Variants in PCDHA7 observed in about 807,000 individuals in gnomAD.
PCDHA7 encodes protocadherin alpha 7.
Under a neutral mutation model 57.2 loss-of-function variants are expected in PCDHA7, and 37 were observed. That is an observed-to-expected ratio of 0.65 (90% confidence interval 0.50 to 0.85). PCDHA7 has a LOEUF of 0.85. Ranked by LOEUF, PCDHA7 falls within the 40% of genes least tolerant of loss-of-function variation. The pLI is 0.00. For synonymous variants in PCDHA7, 553 were observed against 558.8 expected (o/e 0.99, Z 0.15); for missense variants, 1,188 against 1,241.8 (o/e 0.96, Z 0.65).
chr5:140,875,407 A>G (rs2055457272), intron 1 of PCDHA7: 2 of 1,497,672 alleles, frequency 1.3e-6, no homozygotes, highest in Non-Finnish European at 1.8e-6. Flanking sequence ...GACTGCTCAT[A>G]AAATACCTCA....
rs1774863213 is a variant in PCDHA7 at position 140,837,000 on chromosome 5, G to A, written c.2355+262G>A. The A allele has an allele frequency of 1.8e-5, 6 of 331,444 alleles. No individual in the cohort carries two copies. The East Asian group carries it at 3.3e-4, about 18-fold the overall frequency. 20.5% of individuals were successfully genotyped at this position (331,444 alleles called of 1,614,324 possible). A position where few individuals can be genotyped will look rare whatever the true frequency, so the allele number is the denominator to read the frequency against. On this transcript the variant is annotated intron_variant, in intron 1 of 3. Coordinates refer to ENST00000525929, the MANE Select transcript of PCDHA7 (RefSeq NM_018910.3). ...TTGGAGGAGGACTTTGCTAACTGGAGCAATGGATTCACCTTTCTTCTATAG... is the reference window on the plus strand; with the variant it reads ...TTGGAGGAGGACTTTGCTAACTGGAACAATGGATTCACCTTTCTTCTATAG...
At chr5:140,951,098 A>T (rs1480000816) in intron 1 of PCDHA7, among the ~76,000 whole-genome samples, 1 of 151,264 alleles carries the variant, frequency 6.6e-6, no homozygotes, top group African/African-American at 2.4e-5. Flanking sequence ...TTCTGATAAG[A>T]TTTCCTTTAT....
intron 3 of PCDHA7, among the ~76,000 whole-genome samples, chr5:140,987,826 G>T (rs1481540038): frequency 6.6e-6 from 1 of 152,014 alleles, no homozygotes; most frequent in Non-Finnish European, 1.5e-5. Flanking sequence ...TTTCCTTAGG[G>T]GATTGCTTTT....
At position 140,969,018 on chromosome 5, in the gene PCDHA7, G is replaced by A. The variant is rs143196630; in HGVS notation, c.2356-9931G>A. On this transcript the variant is annotated intron_variant, in intron 1 of 3. Transcript: ENST00000525929. ...GGAGGCTTCTGTGGAGTAAGGGAAA[G>A]GTCCCCTGCAGAACTGTACAAACAA... 33 of 1,614,058 alleles carry A rather than the reference G, an allele frequency of 2.0e-5. 1 individual carries two copies. In the Middle Eastern group the frequency reaches 4.9e-4, roughly 24 times the overall value.
In PCDHA7 at chr5:140,929,054, C is replaced by T. The variant is rs782514800; in HGVS notation, c.2356-49895C>T. 27 of 1,614,056 alleles carry T rather than the reference C, an allele frequency of 1.7e-5. No individual in the cohort carries two copies. The highest frequency in any genetic ancestry group is 2.1e-5 in the Non-Finnish European group (25 of 1,180,042). ...TGTTGCGCTCAGAGCTGCTGTCGCT[C>T]TACAGAGGATCTGAGGTATGGAAGT... is the stretch of plus-strand genomic sequence containing the variant. On this transcript the variant is annotated intron_variant, in intron 1 of 3. Coordinates refer to ENST00000525929, the MANE Select transcript of PCDHA7 (RefSeq NM_018910.3).
At chr5:140,958,078 G>A (rs1447110228) in intron 1 of PCDHA7, among the ~76,000 whole-genome samples, 1 of 152,064 alleles carries the variant, frequency 6.6e-6, no homozygotes, top group Admixed American at 6.6e-5. Flanking sequence ...GAAGCAAAAA[G>A]TAAAGTTGTA....
chr5:140,870,356 G>C lies in PCDHA7; in HGVS notation c.2355+33618G>C, dbSNP rs17119218. On this transcript the variant is annotated intron_variant, in intron 1 of 3. Coordinates refer to ENST00000525929, the MANE Select transcript of PCDHA7 (RefSeq NM_018910.3). ...AGCGCCCTGGACCGCGAGAACGTGT[G>C]GGCCTATGAACTGGTGGTGACTGCG... 1,853 of 1,614,212 alleles carry C rather than the reference G, an allele frequency of 1.1e-3. 14 individuals are homozygous for C. In the African/African-American group the frequency reaches 0.018, roughly 16 times the overall value.
intron 1 of PCDHA7, chr5:140,858,134 G>T (rs1277423393): frequency 3.1e-6 from 5 of 1,597,762 alleles, no homozygotes; most frequent in East Asian, 2.2e-5. Context: ...GGATGTCAAC[G>T]TGTACCTGAT....
intron 1 of PCDHA7, chr5:140,867,813 C>A (rs1189080463): frequency 6.6e-6 from 1 of 152,032 alleles, no homozygotes; most frequent in African/African-American, 2.4e-5. Flanking sequence ...TATGAAATTC[C>A]ATTTCCACAA....
Position 140,932,319 on chromosome 5 carries a change from G to A in PCDHA7, c.2356-46630G>A, listed in dbSNP as rs60286116. Among the ~76,000 whole-genome samples the A allele has an allele frequency of 3.3e-3, 499 of 151,902 alleles. 2 individuals are homozygous for A. The highest frequency in any genetic ancestry group is 0.012 in the African/African-American group (480 of 41,512). ...TTTTTAAAGGTATAAATATATTAATGTAGCAAAAATGCATGAAACACTTAC... is the reference window on the plus strand; with the variant it reads ...TTTTTAAAGGTATAAATATATTAATATAGCAAAAATGCATGAAACACTTAC... On this transcript the variant is annotated intron_variant, in intron 1 of 3. Transcript: ENST00000525929.
At chr5:140,914,670 C>T (rs554633450) in intron 1 of PCDHA7, among the ~76,000 whole-genome samples, 85 of 152,088 alleles carry the variant, frequency 5.6e-4, no homozygotes, top group African/African-American at 2.0e-3. Context: ...TCTTCTTTTT[C>T]ATGAAAATAA....
chr5:140,959,471 C>T (rs910729465), intron 1 of PCDHA7, among the ~76,000 whole-genome samples: 3 of 151,970 alleles, frequency 2.0e-5, no homozygotes, highest in African/African-American at 7.3e-5. Context: ...TGGCATCAAT[C>T]AAGGCATATT....
intron 1 of PCDHA7, chr5:140,968,997 G>A (rs1459602291): frequency 6.2e-7 from 1 of 1,614,092 alleles, no homozygotes; most frequent in African/African-American, 1.3e-5. Flanking sequence ...TGCTGTGGAG[G>A]CTTCTGTGGA....
chr5:140,966,820 G>A, intron 1 of PCDHA7: 1 of 1,557,392 alleles, frequency 6.4e-7, no homozygotes, highest in Non-Finnish European at 8.7e-7. Context: ...GGCTCCGGCG[G>A]CCCATGCCCT....
intron 1 of PCDHA7, chr5:140,884,752 A>G (rs954313403): frequency 1.1e-5 from 16 of 1,429,736 alleles, no homozygotes; most frequent in East Asian, 2.5e-5. Context: ...CCAATTTCAA[A>G]TTATTCTTTA....
At chr5:140,892,702 A>C (rs1391662001) in intron 1 of PCDHA7, among the ~76,000 whole-genome samples, 1 of 152,240 alleles carries the variant, frequency 6.6e-6, no homozygotes, top group Non-Finnish European at 1.5e-5. Flanking sequence ...AAATCAGGGT[A>C]ATTAGCATAT....
At chr5:140,870,990 G>A (rs781832962) in intron 1 of PCDHA7, 2 of 1,613,518 alleles carry the variant, frequency 1.2e-6, no homozygotes, top group South Asian at 1.1e-5. Context: ...ACACGGGCGA[G>A]ATAAGCACAA....
Position 140,967,279 on chromosome 5 carries a change from T to G in PCDHA7, c.2356-11670T>G, listed in dbSNP as rs184476796. The G allele has an allele frequency of 7.8e-5, 126 of 1,613,002 alleles. 1 individual carries two copies. The East Asian group carries it at 2.6e-3, about 34-fold the overall frequency. On this transcript the variant is annotated intron_variant, in intron 1 of 3. Coordinates refer to ENST00000525929, the MANE Select transcript of PCDHA7 (RefSeq NM_018910.3). ...CTGGAGCGCGCTTTCACATAGAGAGTGCGCAGGACCCCGACGTGGGCGCCA... is the reference window on the plus strand; with the variant it reads ...CTGGAGCGCGCTTTCACATAGAGAGGGCGCAGGACCCCGACGTGGGCGCCA...
chr5:140,983,548 T>C (rs1479703561), intron 3 of PCDHA7, among the ~76,000 whole-genome samples: 1 of 152,212 alleles, frequency 6.6e-6, no homozygotes, highest in African/African-American at 2.4e-5. Context: ...GTCTCATTTA[T>C]TCCTTAAGTC....
Sources: allele counts gnomAD v4.1 joint callset (sites outside exome capture counted in the v4.1 genomes callset), GRCh38; gene constraint gnomAD v4.1.1; transcripts MANE v1.5; gene names NCBI Gene and HGNC (gene_info 2026-07-23, HGNC 2026-07-21).